Variants in GRIK5 observed in about 807,000 individuals in gnomAD.
GRIK5 encodes glutamate receptor ionotropic, kainate 5.
Under a neutral mutation model 97.4 loss-of-function variants are expected in GRIK5, and 43 were observed. That is an observed-to-expected ratio of 0.44 (90% CI 0.35 to 0.57). The LOEUF (loss-of-function observed/expected upper bound fraction) is 0.57. Among genes scored for constraint, GRIK5 ranks in the 20% least tolerant of loss-of-function variants. The pLI, the probability that GRIK5 is intolerant of heterozygous loss-of-function variation, is 0.01. For synonymous variants in GRIK5, 580 were observed against 583.5 expected (o/e 0.99, Z 0.09); for missense variants, 1,015 against 1,382.0 (o/e 0.73, Z 4.21).
At chr19:42,017,538 G>A (rs1311550493) in intron 15 of GRIK5, among the ~76,000 whole-genome samples, 4 of 152,222 alleles carry the variant, frequency 2.6e-5, no homozygotes, top group Non-Finnish European at 5.9e-5. Context: ...ACTCACTAGT[G>A]TGAGTGAGAA....
At chr19:42,020,661 C>T (rs896897637) in intron 15 of GRIK5, among the ~76,000 whole-genome samples, 2 of 152,214 alleles carry the variant, frequency 1.3e-5, no homozygotes, top group African/African-American at 4.8e-5. Context: ...CCCACCAAAA[C>T]TAAGACGGCC....
chr19:42,005,742 G>A lies in GRIK5; in HGVS notation c.2244C>T (p.Tyr748=), dbSNP rs139193138. 1.7e-4 allele frequency: 269 copies of A among 1,611,602 alleles called. No individual in the cohort carries two copies. Among genetic ancestry groups the A allele is most frequent in the Non-Finnish European group, 2.0e-4 (236 of 1,177,832 alleles). The stretch of plus-strand genomic sequence containing the variant: ...CCGTACCCAGCGGCATGCCAATGCC[G>A]TAGCCCTTGGTGTCGAGGAGTCCCC... The part of the protein sequence containing the change: ...QIGGLLDTKG[Y]GIGMPLGSPF... The change falls in exon 17 of 20, where the codon TAC becomes TAT. Residue 748 remains tyrosine (Y), a synonymous_variant. Coordinates refer to ENST00000593562, the MANE Select transcript of GRIK5 (RefSeq NM_002088.5).
At chr19:42,023,525 C>A (rs2075729221) in intron 12 of GRIK5, among the ~76,000 whole-genome samples, 1 of 152,200 alleles carries the variant, frequency 6.6e-6, no homozygotes, top group African/African-American at 2.4e-5. Flanking sequence ...ATCCTCATTT[C>A]AGAGAGGAGG....
rs1274592059 is a variant in GRIK5, at chr19:41,999,365, C to T, written c.2515-66G>A. ...CCTCCCGCCTCCCCCAGCCCCTCTC[C>T]ACATCCCACTCCTCCTCCTCCTTTC... On this transcript the variant is annotated intron_variant, in intron 19 of 19. Coordinates refer to ENST00000593562, the MANE Select transcript of GRIK5 (RefSeq NM_002088.5). This position sits in a 1 kb window ranked among gnomAD's most constrained non-coding sequence, Gnocchi z 5.0. 8.2e-7 allele frequency: 1 copy of T among 1,217,638 alleles called. No individual in the cohort carries two copies. Among genetic ancestry groups the T allele is most frequent in the African/African-American group, 1.6e-5 (1 of 62,690 alleles). The allele number at this position is 1,217,638 out of a possible 1,614,324, so 75.4% of individuals were successfully genotyped here.
intron 12 of GRIK5, among the ~76,000 whole-genome samples, chr19:42,033,508 G>A (rs1333762871): frequency 6.6e-6 from 1 of 152,108 alleles, no homozygotes; most frequent in Admixed American, 6.6e-5. Flanking sequence ...GTGGTTGCCA[G>A]GGGTTGGGGT....
intron 15 of GRIK5, among the ~76,000 whole-genome samples, chr19:42,019,499 C>T (rs1214386379): frequency 6.6e-6 from 1 of 152,206 alleles, no homozygotes; most frequent in Non-Finnish European, 1.5e-5. Context: ...GCAGAATAGG[C>T]CCCGCCCACC....
intron 12 of GRIK5, among the ~76,000 whole-genome samples, chr19:42,033,486 A>T (rs1007230465): frequency 3.9e-5 from 6 of 152,068 alleles, no homozygotes; most frequent in Non-Finnish European, 7.4e-5. Flanking sequence ...ACCCATGGAG[A>T]CAGAAAGATG....
intron 15 of GRIK5, among the ~76,000 whole-genome samples, chr19:42,014,787 G>A (rs1044590654): frequency 2.6e-5 from 4 of 152,122 alleles, no homozygotes; most frequent in Non-Finnish European, 5.9e-5. Flanking sequence ...AGGTGTGGTG[G>A]CTCATAGCTG....
intron 15 of GRIK5, among the ~76,000 whole-genome samples, chr19:42,014,737 C>G (rs2075605108): frequency 6.6e-6 from 1 of 151,882 alleles, no homozygotes; most frequent in Non-Finnish European, 1.5e-5. Context: ...GAGCTGAGAT[C>G]ACACCATTGC....
chr19:42,019,975 GT>G (rs1193925499), intron 15 of GRIK5, among the ~76,000 whole-genome samples: 2 of 149,104 alleles, frequency 1.3e-5, no homozygotes, highest in South Asian at 2.1e-4. Flanking sequence ...CTTTCATTGG[GT>G]TTTTTTGGGG....
At chr19:42,032,749 C>T (rs1013750437) in intron 12 of GRIK5, among the ~76,000 whole-genome samples, 2 of 152,166 alleles carry the variant, frequency 1.3e-5, no homozygotes, top group Admixed American at 6.5e-5. Context: ...CCTCGCCATT[C>T]GCCAGCTGCC....
chr19:42,056,498 TAGAG>T (rs1479030246), intron 8 of GRIK5, among the ~76,000 whole-genome samples, 160 bp downstream of exon 8: 1 of 149,766 alleles, frequency 6.7e-6, no homozygotes, highest in Non-Finnish European at 1.5e-5. Context: ...GTGTGGGAGG[TAGAG>T]AGAGAGGAGG....
At chr19:42,052,855 C>T (rs1448700023) in intron 11 of GRIK5, among the ~76,000 whole-genome samples, 1 of 152,194 alleles carries the variant, frequency 6.6e-6, no homozygotes, top group African/African-American at 2.4e-5. Context: ...GCACCAGCTC[C>T]GAGCCTGACA....
In GRIK5 at chr19:42,053,902, C is replaced by T; in HGVS notation, c.1084G>A (p.Val362Ile). 6.2e-7 allele frequency: 1 copy of T among 1,613,812 alleles called. No homozygotes were observed. Among genetic ancestry groups the T allele is most frequent in the East Asian group, 2.2e-5 (1 of 44,862 alleles). The change falls in exon 10 of 20, where the codon GTC becomes ATC. Residue 362 changes from valine (V) to isoleucine (I), a missense_variant. Val to Ile is a conservative substitution (Grantham distance 29, BLOSUM62 3). Transcript: ENST00000593562. ...MVEYDGLTGR[V>I]EFNSKGQRTN... ...CTCTGCCCTTTGCTGTTGAACTCGA[C>T]CCGCCCGGTCAGCCCATCATACTCT...
chr19:42,018,627 C>A (rs2075657000), intron 15 of GRIK5, among the ~76,000 whole-genome samples: 1 of 128,420 alleles, frequency 7.8e-6, no homozygotes, highest in Non-Finnish European at 1.5e-5. Flanking sequence ...CCACAGCACT[C>A]CAGCCTGAGC....
intron 6 of GRIK5, among the ~76,000 whole-genome samples, chr19:42,057,442 G>C (rs960142818): frequency 5.3e-5 from 8 of 151,682 alleles, no homozygotes; most frequent in African/African-American, 1.9e-4. Flanking sequence ...TGGGATCATA[G>C]CTCACTGAAG....
chr19:42,062,076 CAT>C lies in GRIK5; in HGVS notation c.508+410_508+411del, dbSNP rs1191757667. Reference sequence around the variant, plus strand: ...AGGTTCAGCTTGGATGTCTCTTTCTCATAGACACAGGCTCTGAACCTCCCAGA... The same window carrying C: ...AGGTTCAGCTTGGATGTCTCTTTCTCAGACACAGGCTCTGAACCTCCCAGA... On this transcript the variant is annotated intron_variant, in intron 5 of 19. Coordinates refer to ENST00000593562, the MANE Select transcript of GRIK5 (RefSeq NM_002088.5). This position sits in a 1 kb window ranked among gnomAD's most constrained non-coding sequence, Gnocchi z 5.3. 6.6e-6 allele frequency among the ~76,000 whole-genome samples: 1 copy of C among 152,214 alleles called. No homozygotes were observed. Among genetic ancestry groups the C allele is most frequent in the East Asian group, 1.9e-4 (1 of 5,190 alleles).
intron 12 of GRIK5, among the ~76,000 whole-genome samples, chr19:42,038,033 C>A (rs752691726): frequency 3.9e-5 from 6 of 152,240 alleles, no homozygotes; most frequent in Non-Finnish European, 8.8e-5. Flanking sequence ...GGGACCCTGA[C>A]CTAAGATCTT....
At chr19:42,048,838 A>G (rs1026609499) in intron 11 of GRIK5, among the ~76,000 whole-genome samples, 2 of 152,156 alleles carry the variant, frequency 1.3e-5, no homozygotes, top group East Asian at 3.9e-4. Context: ...CAGGAGTCCA[A>G]GACCAGGCTG....
Sources: gnomAD v4.1 joint callset for allele counts (sites outside exome capture counted in the v4.1 genomes callset) on GRCh38, gnomAD v4.1.1 for gene constraint, Gnocchi (gnomAD v3.1) non-coding constraint, MANE v1.5 for transcripts, NCBI Gene and HGNC (gene_info 2026-07-23, HGNC 2026-07-21) for gene names.